The following FHIT variants were observed in gnomAD, a reference collection of about 807,000 sequenced individuals.
FHIT encodes fragile histidine triad diadenosine triphosphatase.
A neutral mutation model predicts 17.9 loss-of-function variants in FHIT; 19 were observed. That is an observed-to-expected ratio of 1.06 (90% CI 0.74 to 1.56). FHIT has a LOEUF of 1.56. FHIT is among the 40% of genes most tolerant of loss of function. FHIT has a pLI of 0.00. For missense variants in FHIT, 248 were observed against 189.2 expected (o/e 1.31, Z -1.82); for synonymous variants, 81 against 69.7 (o/e 1.16, Z -0.81).
At chr3:60,952,586 G>A (rs893802077) in intron 3 of FHIT, among the ~76,000 whole-genome samples, 8 of 152,124 alleles carry the variant, frequency 5.3e-5, no homozygotes, top group Non-Finnish European at 1.2e-4. Context: ...TTTAGCCTAA[G>A]GATTATGTGG....
At chr3:59,979,511 A>G (rs1708557372) in intron 7 of FHIT, among the ~76,000 whole-genome samples, 1 of 152,184 alleles carries the variant, frequency 6.6e-6, no homozygotes, top group East Asian at 1.9e-4. Flanking sequence ...TATGAGAATA[A>G]ACAATTTTAG....
chr3:60,177,220 G>C, intron 5 of FHIT, among the ~76,000 whole-genome samples: 1 of 151,492 alleles, frequency 6.6e-6, no homozygotes, highest in Non-Finnish European at 1.5e-5. Flanking sequence ...ATAATAAGGA[G>C]GGGAAGGAGA....
At chr3:60,951,821 G>C (rs1229119355) in intron 3 of FHIT, among the ~76,000 whole-genome samples, 1 of 152,138 alleles carries the variant, frequency 6.6e-6, no homozygotes, top group African/African-American at 2.4e-5. Flanking sequence ...GTTATAGCAG[G>C]ATTGTTTTCC....
intron 5 of FHIT, among the ~76,000 whole-genome samples, chr3:60,162,497 A>T (rs1044313274): frequency 1.6e-4 from 25 of 152,182 alleles, no homozygotes; most frequent in African/African-American, 5.8e-4. Flanking sequence ...AATATTTAGA[A>T]AACAGGTTGA....
At chr3:60,163,806 G>A (rs1701040472) in intron 5 of FHIT, among the ~76,000 whole-genome samples, 1 of 152,168 alleles carries the variant, frequency 6.6e-6, no homozygotes, top group Non-Finnish European at 1.5e-5. Flanking sequence ...AATGCCTCCA[G>A]ACGTTGCCAG....
At chr3:61,126,855 T>TGA (rs2036621822) in intron 2 of FHIT, among the ~76,000 whole-genome samples, 1 of 151,304 alleles carries the variant, frequency 6.6e-6, no homozygotes, top group African/African-American at 2.4e-5. Flanking sequence ...CCCAAGAAGA[T>TGA]GAGAGAGCAA....
intron 7 of FHIT, among the ~76,000 whole-genome samples, chr3:59,967,025 T>G (rs1707959296): frequency 6.6e-6 from 1 of 152,076 alleles, no homozygotes; most frequent in Admixed American, 6.6e-5. Flanking sequence ...ACCTTTTATT[T>G]TTTACTTTTT....
chr3:60,402,341 C>T (rs1445575453), intron 5 of FHIT, among the ~76,000 whole-genome samples: 1 of 152,174 alleles, frequency 6.6e-6, no homozygotes. Flanking sequence ...GAAGTAAATT[C>T]CAACATCAAC....
intron 2 of FHIT, among the ~76,000 whole-genome samples, chr3:61,097,561 C>A (rs982527495): frequency 5.3e-5 from 8 of 152,130 alleles, no homozygotes; most frequent in African/African-American, 1.9e-4. Context: ...AATTTACACT[C>A]CCACCAACAG....
At chr3:59,940,107 A>G (rs1414888968) in intron 7 of FHIT, among the ~76,000 whole-genome samples, 1 of 152,180 alleles carries the variant, frequency 6.6e-6, no homozygotes, top group East Asian at 1.9e-4. Flanking sequence ...TCAGAGCTTC[A>G]GATTTCTTGT....
At chr3:61,025,656 C>T (rs1305593459) in intron 3 of FHIT, among the ~76,000 whole-genome samples, 1 of 152,190 alleles carries the variant, frequency 6.6e-6, no homozygotes, top group African/African-American at 2.4e-5. Context: ...TAAACTTTGA[C>T]TCTCCTACTT....
rs149872765 is a variant in FHIT at position 61,087,634 on chromosome 3, A to G, written c.-163-45535T>C. 7.5e-4 allele frequency among the ~76,000 whole-genome samples: 114 copies of G among 152,300 alleles called. 1 individual carries two copies. Among genetic ancestry groups the G allele is most frequent in the African/African-American group, 2.6e-3 (110 of 41,572 alleles). ...TGCTCATGATGATAATGATGACAAA[A>G]ACAATAAGGCTCTGGAGCATCTGGT... On this transcript the variant is annotated intron_variant, in intron 2 of 9. Coordinates refer to ENST00000492590, the MANE Select transcript of FHIT (RefSeq NM_002012.4).
chr3:59,960,941 A>G (rs1224463928), intron 7 of FHIT, among the ~76,000 whole-genome samples: 1 of 152,208 alleles, frequency 6.6e-6, no homozygotes, highest in African/African-American at 2.4e-5. Flanking sequence ...CCAGCAAGGA[A>G]TAGATTAAAT....
At chr3:60,368,552 A>G (rs1295739256) in intron 5 of FHIT, among the ~76,000 whole-genome samples, 1 of 152,076 alleles carries the variant, frequency 6.6e-6, no homozygotes, top group Non-Finnish European at 1.5e-5. Context: ...ATACACACAC[A>G]TATGTTCTGC....
chr3:61,210,781 C>T lies in FHIT; in HGVS notation c.-212-10116G>A, dbSNP rs187656828. Among the ~76,000 whole-genome samples the T allele has an allele frequency of 6.6e-4, 101 of 152,004 alleles. 3 individuals are homozygous for T. In the East Asian group the frequency reaches 7.8e-3, roughly 12 times the overall value. On this transcript the variant is annotated intron_variant, in intron 1 of 9. Coordinates refer to ENST00000492590, the MANE Select transcript of FHIT (RefSeq NM_002012.4). The stretch of plus-strand genomic sequence containing the variant: ...GATAAGGCAATGCCTCGCCCTGCTT[C>T]GGCTCACACACAGTGCGCTGCACCC...
At chr3:60,064,160 T>C (rs1702403967) in intron 5 of FHIT, among the ~76,000 whole-genome samples, 1 of 152,222 alleles carries the variant, frequency 6.6e-6, no homozygotes, top group Admixed American at 6.5e-5. Context: ...ATACCTTTCC[T>C]TCCTGCCTGA....
rs902561550 is a variant in FHIT at position 60,279,037 on chromosome 3, A to G, written c.103+257823T>C. The stretch of plus-strand genomic sequence containing the variant: ...AGAAGAAAAACAGAATAGAAATTAG[A>G]GCAGAAATCAATTACATTGAAAATA... On this transcript the variant is annotated intron_variant, in intron 5 of 9. Transcript: ENST00000492590. Among the ~76,000 whole-genome samples the G allele has an allele frequency of 1.1e-4, 17 of 152,248 alleles. 1 individual carries two copies. In the South Asian group the frequency reaches 3.5e-3, roughly 32 times the overall value.
At chr3:60,125,549 T>C (rs907572585) in intron 5 of FHIT, among the ~76,000 whole-genome samples, 1 of 151,630 alleles carries the variant, frequency 6.6e-6, no homozygotes, top group Non-Finnish European at 1.5e-5. Context: ...GGAGCATCAC[T>C]TGAACCCGGG....
chr3:60,366,702 G>A (rs1331278024), intron 5 of FHIT, among the ~76,000 whole-genome samples: 1 of 152,186 alleles, frequency 6.6e-6, no homozygotes, highest in Non-Finnish European at 1.5e-5. Context: ...CTCACCAGAT[G>A]CTGACATCAT....
Sources: gnomAD v4.1 joint callset for allele counts (sites outside exome capture counted in the v4.1 genomes callset) on GRCh38, gnomAD v4.1.1 for gene constraint, MANE v1.5 for transcripts, NCBI Gene and HGNC (gene_info 2026-07-23, HGNC 2026-07-21) for gene names.